The following ZNF722 variants were observed in gnomAD, a reference collection of about 807,000 sequenced individuals.
The protein encoded by ZNF722 is zinc finger protein 479 pseudogene.
the ZNF722 span, among the ~76,000 whole-genome samples, chr7:63,999,996 A>G: frequency 6.6e-6 from 1 of 151,714 alleles, no homozygotes; most frequent in Non-Finnish European, 1.5e-5. Flanking sequence ...TCACCCAACC[A>G]TAAGAGATAC....
At chr7:64,015,704 T>A in the ZNF722 span, 1 of 1,613,776 alleles carries the variant, frequency 6.2e-7, no homozygotes, top group Middle Eastern at 1.7e-4. Flanking sequence ...CAACCCTCAA[T>A]GACCACAAGA....
At chr7:64,016,542 C>T in the ZNF722 span, among the ~76,000 whole-genome samples, 13 of 152,046 alleles carry the variant, frequency 8.6e-5, no homozygotes, top group Admixed American at 4.6e-4. Flanking sequence ...AATGTGGTAA[C>T]GCTTTTAACT....
At chr7:64,015,666 G>A in the ZNF722 span, 2 of 1,613,764 alleles carry the variant, frequency 1.2e-6, no homozygotes, top group East Asian at 2.2e-5. Flanking sequence ...CAAATGTGAA[G>A]AATGTGGCAA....
At chr7:64,007,638 T>C in the ZNF722 span, among the ~76,000 whole-genome samples, 37 of 152,326 alleles carry the variant, frequency 2.4e-4, no homozygotes, top group Non-Finnish European at 4.3e-4. Context: ...ATCCAGTCTA[T>C]TCTTTATGGA....
chr7:64,015,940 C>G, the ZNF722 span: 1 of 1,348,562 alleles, frequency 7.4e-7, no homozygotes, highest in Non-Finnish European at 1.0e-6. Context: ...TTCTAGCCCT[C>G]AGGCCTTATA....
At chr7:64,006,672 A>T in the ZNF722 span, among the ~76,000 whole-genome samples, 1 of 151,672 alleles carries the variant, frequency 6.6e-6, no homozygotes, top group African/African-American at 2.4e-5. Flanking sequence ...TATTTATAAA[A>T]TTTTTTTTGC....
At chr7:64,012,595 G>A in the ZNF722 span, among the ~76,000 whole-genome samples, 2 of 152,114 alleles carry the variant, frequency 1.3e-5, no homozygotes, top group Non-Finnish European at 2.9e-5. Context: ...TTACACCTGT[G>A]AGCCACTGCA....
chr7:64,005,283 G>C, the ZNF722 span, among the ~76,000 whole-genome samples: 2 of 151,964 alleles, frequency 1.3e-5, no homozygotes, highest in South Asian at 4.1e-4. Flanking sequence ...TTGGGCAACA[G>C]AGTGAAACTC....
the ZNF722 span, among the ~76,000 whole-genome samples, chr7:64,002,228 G>C: frequency 6.6e-6 from 1 of 151,926 alleles, no homozygotes; most frequent in South Asian, 2.1e-4. Context: ...CTCTGATTTT[G>C]GTTATTTTTT....
At chr7:64,017,062 T>C in the ZNF722 span, among the ~76,000 whole-genome samples, 1 of 152,174 alleles carries the variant, frequency 6.6e-6, no homozygotes, top group Non-Finnish European at 1.5e-5. Context: ...AGCTCACATT[T>C]TACTCAATAT....
chr7:64,011,073 T>TC, the ZNF722 span, among the ~76,000 whole-genome samples: 1 of 151,600 alleles, frequency 6.6e-6, no homozygotes, highest in African/African-American at 2.4e-5. Context: ...ACCCCTGCTT[T>TC]TTTTTTGCTT....
chr7:64,015,513 T>G, the ZNF722 span: 2 of 1,612,990 alleles, frequency 1.2e-6, no homozygotes, highest in Admixed American at 1.7e-5. Flanking sequence ...TGGCAAAGCC[T>G]TTAGGTGGCC....
At chr7:64,010,460 T>C in the ZNF722 span, among the ~76,000 whole-genome samples, 2 of 152,190 alleles carry the variant, frequency 1.3e-5, no homozygotes, top group African/African-American at 2.4e-5. Flanking sequence ...TCTCATTGGT[T>C]TCAAAGAACA....
chr7:64,007,462 A>G, the ZNF722 span, among the ~76,000 whole-genome samples: 4 of 151,938 alleles, frequency 2.6e-5, no homozygotes, highest in South Asian at 2.1e-4. Flanking sequence ...TCACTGTTCA[A>G]TTCCCACCTA....
chr7:64,009,965 T>A, the ZNF722 span, among the ~76,000 whole-genome samples: 2 of 152,194 alleles, frequency 1.3e-5, no homozygotes, highest in Admixed American at 1.3e-4. Context: ...CTTGTTTTAG[T>A]CTTGGGAGGG....
chr7:64,003,060 A>G, the ZNF722 span, among the ~76,000 whole-genome samples: 1 of 152,198 alleles, frequency 6.6e-6, no homozygotes, highest in African/African-American at 2.4e-5. Context: ...CAGGGCCAAG[A>G]TTACCAAGTG....
At chr7:64,007,182 T>C in the ZNF722 span, among the ~76,000 whole-genome samples, 1 of 149,950 alleles carries the variant, frequency 6.7e-6, no homozygotes, top group Admixed American at 6.7e-5. Flanking sequence ...AAATTATTAA[T>C]TTTGTGCAAC....
the ZNF722 span, among the ~76,000 whole-genome samples, chr7:64,011,814 A>G: frequency 4.6e-5 from 7 of 152,254 alleles, no homozygotes; most frequent in African/African-American, 1.7e-4. Flanking sequence ...AGGTTGGGGA[A>G]GTTCTCCTGG....
chr7:64,001,570 T>C, the ZNF722 span, among the ~76,000 whole-genome samples: 1 of 152,230 alleles, frequency 6.6e-6, no homozygotes, highest in South Asian at 2.1e-4. Context: ...GCATGTGTCT[T>C]CATGGTAGAA....
Sources: gnomAD v4.1 joint callset for allele counts (sites outside exome capture counted in the v4.1 genomes callset) on GRCh38, gnomAD v4.1.1 for gene constraint, MANE v1.5 for transcripts, NCBI Gene and HGNC (gene_info 2026-07-23, HGNC 2026-07-21) for gene names.